Variants in EEF1AKMT3 observed in about 807,000 individuals in gnomAD.
The protein encoded by EEF1AKMT3 is EEF1A lysine methyltransferase 3, also known as eEF1A-KMT3.
In EEF1AKMT3, 17 loss-of-function variants were observed where a neutral mutation model predicts 17.8. The ratio of observed to expected loss-of-function variants is 0.96; its 90% CI spans 0.65 to 1.43. The LOEUF is 1.43. Ranked by LOEUF, EEF1AKMT3 falls within the 40% of genes most tolerant of loss-of-function variation. EEF1AKMT3 has a pLI of 0.00. For synonymous variants in EEF1AKMT3, 116 were observed against 126.5 expected, an observed-to-expected ratio of 0.92 and a Z score of 0.56; for missense variants, 244 against 285.8, an observed-to-expected ratio of 0.85 and a Z score of 1.06.
At chr12:57,778,488 C>T (rs752496545) in intron 2 of EEF1AKMT3, among the ~76,000 whole-genome samples, 8 of 150,384 alleles carry the variant, frequency 5.3e-5, no homozygotes, top group African/African-American at 1.5e-4. Context: ...TTTATAGAGA[C>T]GAGGTTTTGC....
intron 2 of EEF1AKMT3, among the ~76,000 whole-genome samples, chr12:57,777,081 C>T (rs937524162): frequency 6.6e-6 from 1 of 152,186 alleles, no homozygotes; most frequent in African/African-American, 2.4e-5. Context: ...TGGATGAACA[C>T]ATTGTGCTAG....
intron 2 of EEF1AKMT3, among the ~76,000 whole-genome samples, chr12:57,777,265 T>G (rs1361552678): frequency 6.6e-6 from 1 of 152,224 alleles, no homozygotes; most frequent in Non-Finnish European, 1.5e-5. Context: ...TATGCTATGA[T>G]TTCTCTTATT....
chr12:57,779,808 A>G (rs1054117337), intron 2 of EEF1AKMT3, among the ~76,000 whole-genome samples: 3 of 152,082 alleles, frequency 2.0e-5, no homozygotes, highest in African/African-American at 4.8e-5. Flanking sequence ...TGAATATGCC[A>G]TGCTCTTTCA....
intron 2 of EEF1AKMT3, among the ~76,000 whole-genome samples, chr12:57,777,746 G>A (rs1373418176): frequency 2.6e-5 from 4 of 152,160 alleles, no homozygotes. Context: ...GAAGCCGGAC[G>A]CGGTGGCTTA....
At position 57,772,876 on chromosome 12, in the gene EEF1AKMT3, G is replaced by A; in HGVS notation, c.152G>A (p.Gly51Glu). Reference sequence around the variant, plus strand: ...ACGCAGAACTTTGGGTCCCGCCTCGGGGTGGCGGCGCGCGTGTGGGACGCG... The same window carrying A: ...ACGCAGAACTTTGGGTCCCGCCTCGAGGTGGCGGCGCGCGTGTGGGACGCG... ...TITQNFGSRL[G>E]VAARVWDAAL... is the part of the protein sequence containing the mutation. Residue 51 changes from glycine (G) to glutamate (E), a missense_variant, in exon 1 of 3, where the codon GGG (glycine) becomes GAG (glutamate). Physicochemically the swap from Gly to Glu is moderately conservative, Grantham distance 98 (BLOSUM62 -2). Transcript: ENST00000300209. The surrounding 1 kb of genome is among the most constrained non-coding windows in gnomAD (Gnocchi z 4.1). 1 of 1,614,146 alleles carries A rather than the reference G, an allele frequency of 6.2e-7. No individual in the cohort carries two copies. Among genetic ancestry groups the A allele is most frequent in the Non-Finnish European group, 8.5e-7 (1 of 1,179,980 alleles).
Position 57,773,076 on chromosome 12 carries a change from G to A in EEF1AKMT3, c.237G>A (p.Val79=), listed in dbSNP as rs1418589955. ...SQNVDFRGKK[V]IELGAGTGIV... ...ATGTGGATTTCCGAGGCAAGAAGGT[G>A]ATCGAACTGGGTGCGGGGACAGGCA... Residue 79 remains valine (V), a synonymous_variant, in exon 2 of 3, where the codon GTG becomes GTA. Coordinates refer to ENST00000300209, the MANE Select transcript of EEF1AKMT3 (RefSeq NM_015433.3). The A allele has an allele frequency of 6.2e-7, 1 of 1,614,150 alleles. No homozygotes were observed. Among genetic ancestry groups the A allele is most frequent in the Admixed American group, 1.7e-5 (1 of 60,020 alleles).
At chr12:57,773,867 A>G (rs1433929229) in intron 2 of EEF1AKMT3, among the ~76,000 whole-genome samples, 1 of 152,206 alleles carries the variant, frequency 6.6e-6, no homozygotes, top group Non-Finnish European at 1.5e-5. Flanking sequence ...TTATAACTTT[A>G]TTATGAATAT....
chr12:57,772,832 T>C lies in EEF1AKMT3; in HGVS notation c.108T>C (p.Cys36=). ...CGGAGAAGAGCCAGTTCTGTTTCTG[T>C]GGGCATGTGCTGACCATCACGCAGA... ...SYSEKSQFCF[C]GHVLTITQNF... Residue 36 remains cysteine, a synonymous_variant, in exon 1 of 3, where the codon TGT becomes TGC. Transcript: ENST00000300209. The surrounding 1 kb of genome is among the most constrained non-coding windows in gnomAD (Gnocchi z 4.1). 6.2e-7 allele frequency: 1 copy of C among 1,614,196 alleles called. No homozygotes were observed. The highest frequency in any genetic ancestry group is 8.5e-7 in the Non-Finnish European group (1 of 1,180,018).
intron 2 of EEF1AKMT3, among the ~76,000 whole-genome samples, chr12:57,778,889 T>G (rs1955496147): frequency 6.6e-6 from 1 of 152,238 alleles, no homozygotes; most frequent in South Asian, 2.1e-4. Flanking sequence ...GACAGAGTCT[T>G]GCACTTGTTG....
At chr12:57,779,060 C>T (rs1487410311) in intron 2 of EEF1AKMT3, among the ~76,000 whole-genome samples, 1 of 152,300 alleles carries the variant, frequency 6.6e-6, no homozygotes, top group African/African-American at 2.4e-5. Context: ...TGGGGTTTCA[C>T]CATTTTGGTC....
intron 2 of EEF1AKMT3, chr12:57,774,640 C>T: frequency 6.8e-7 from 1 of 1,465,844 alleles, no homozygotes; most frequent in East Asian, 2.3e-5. Flanking sequence ...AGCTTATGGT[C>T]TAGTGAGGGA....
rs772920531 is a variant in EEF1AKMT3 at position 57,774,628 on chromosome 12, G to A, written c.289+1500G>A. ...AATAAGACAGATTTTCTCTCCCCAA[G>A]GAGCTTATGGTCTAGTGAGGGAGAC... is the stretch of plus-strand genomic sequence containing the variant. On this transcript the variant is annotated intron_variant, in intron 2 of 2. Transcript: ENST00000300209. 6.0e-6 allele frequency: 8 copies of A among 1,339,388 alleles called. No homozygotes were observed. The East Asian group carries it at 1.4e-4, about 23-fold the overall frequency. 83.0% of individuals were successfully genotyped at this position (1,339,388 alleles called of 1,614,324 possible).
Position 57,772,634 on chromosome 12 carries a change from A to G in EEF1AKMT3, c.-91A>G, listed in dbSNP as rs906405835. 38 of 1,399,616 alleles carry G rather than the reference A, an allele frequency of 2.7e-5. No homozygotes were observed. Among genetic ancestry groups the G allele is most frequent in the Non-Finnish European group, 3.5e-5 (37 of 1,045,764 alleles). The allele number at this position is 1,399,616 out of a possible 1,614,324, so 86.7% of individuals were successfully genotyped here. A position where few individuals can be genotyped will look rare whatever the true frequency, so the allele number is the denominator to read the frequency against. ...GCGGGGCTCGTTCCACAGGGACACCACGACGGCTCGCGGCCCCCAGCCTCT... is the reference window on the plus strand; with the variant it reads ...GCGGGGCTCGTTCCACAGGGACACCGCGACGGCTCGCGGCCCCCAGCCTCT... On this transcript the variant is annotated 5_prime_UTR_variant, in exon 1 of 3. Coordinates refer to ENST00000300209, the MANE Select transcript of EEF1AKMT3 (RefSeq NM_015433.3). This position sits in a 1 kb window ranked among gnomAD's most constrained non-coding sequence, Gnocchi z 4.1.
rs1204521367 is a variant in EEF1AKMT3, at chr12:57,772,970, T to C, written c.178-47T>C. 2 of 1,613,838 alleles carry C rather than the reference T, an allele frequency of 1.2e-6. No individual in the cohort carries two copies. The highest frequency in any genetic ancestry group is 1.6e-4 in the Middle Eastern group (1 of 6,062). ...GATCCCGGACTCCGCCTCTCCCATATGGAGCCATCCTCACGACTGTCTTTT... is the reference window on the plus strand; with the variant it reads ...GATCCCGGACTCCGCCTCTCCCATACGGAGCCATCCTCACGACTGTCTTTT... On this transcript the variant is annotated intron_variant, in intron 1 of 2. Coordinates refer to ENST00000300209, the MANE Select transcript of EEF1AKMT3 (RefSeq NM_015433.3). The surrounding 1 kb of genome is among the most constrained non-coding windows in gnomAD (Gnocchi z 4.1).
intron 2 of EEF1AKMT3, among the ~76,000 whole-genome samples, chr12:57,778,792 G>T (rs1955495580): frequency 6.6e-6 from 1 of 151,972 alleles, no homozygotes; most frequent in South Asian, 2.1e-4. Context: ...CCTAGCTTCT[G>T]ACCTTGCCCT....
At position 57,772,643 on chromosome 12, in the gene EEF1AKMT3, C is replaced by T. The variant is rs572639808; in HGVS notation, c.-82C>T. The T allele has an allele frequency of 2.3e-3, 3,242 of 1,436,394 alleles. 6 individuals are homozygous for T. Among genetic ancestry groups the T allele is most frequent in the Non-Finnish European group, 2.6e-3 (2,756 of 1,077,036 alleles). The allele number at this position is 1,436,394 out of a possible 1,614,324, so 89.0% of individuals were successfully genotyped here. ...GTTCCACAGGGACACCACGACGGCT[C>T]GCGGCCCCCAGCCTCTACCCCGCTC... On this transcript the variant is annotated 5_prime_UTR_variant, in exon 1 of 3. Coordinates refer to ENST00000300209, the MANE Select transcript of EEF1AKMT3 (RefSeq NM_015433.3). The surrounding 1 kb of genome is among the most constrained non-coding windows in gnomAD (Gnocchi z 4.1).
At chr12:57,775,265 C>G (rs1955473408) in intron 2 of EEF1AKMT3, among the ~76,000 whole-genome samples, 1 of 152,080 alleles carries the variant, frequency 6.6e-6, no homozygotes, top group African/African-American at 2.4e-5. Context: ...AGACTGGCTT[C>G]TCCTTCTTTG....
At chr12:57,780,208 T>A (rs1415979419) in intron 2 of EEF1AKMT3, 47 bp from the exon 3 acceptor site, 1 of 1,600,532 alleles carries the variant, frequency 6.2e-7, no homozygotes, top group East Asian at 2.2e-5. Flanking sequence ...CCAAGAACCC[T>A]TGGTTGGTTC....
Position 57,780,454 on chromosome 12 carries a change from G to A in EEF1AKMT3, c.489G>A (p.Leu163=). 1.9e-6 allele frequency: 3 copies of A among 1,614,192 alleles called. No homozygotes were observed. Among genetic ancestry groups the A allele is most frequent in the Non-Finnish European group, 2.5e-6 (3 of 1,180,040 alleles). The change falls in exon 3 of 3, where the codon CTG becomes CTA. Residue 163 remains leucine, a synonymous_variant. Coordinates refer to ENST00000300209, the MANE Select transcript of EEF1AKMT3 (RefSeq NM_015433.3). ...VYLEPTFPLL[L]GTLQHLCRPH... is the part of the protein sequence containing the mutation. ...TGGAACCCACCTTCCCTCTGCTGCT[G>A]GGGACCCTCCAACACCTGTGCAGGC...
Sources: allele counts gnomAD v4.1 joint callset (sites outside exome capture counted in the v4.1 genomes callset), GRCh38; gene constraint gnomAD v4.1.1; non-coding constraint Gnocchi (gnomAD v3.1); transcripts MANE v1.5; gene names NCBI Gene and HGNC (gene_info 2026-07-23, HGNC 2026-07-21).